PAPPA2: variants seen among roughly 807,000 people sequenced by gnomAD.
PAPPA2 encodes pappalysin-2.
PAPPA2 carries 86 observed loss-of-function variants against 176.4 expected under a neutral mutation model. That is an observed-to-expected ratio of 0.49 (90% CI 0.41 to 0.58). The LOEUF (loss-of-function observed/expected upper bound fraction) is 0.58. Among genes scored for constraint, PAPPA2 ranks in the 20% least tolerant of loss-of-function variants. The pLI is 0.00. For missense variants in PAPPA2, 2,073 were observed against 2,256.9 expected (o/e 0.92, Z 1.65); for synonymous variants, 809 against 852.2 (o/e 0.95, Z 0.88).
At chr1:176,668,029 C>T (rs930082515) in intron 3 of PAPPA2, among the ~76,000 whole-genome samples, 7 of 152,038 alleles carry the variant, frequency 4.6e-5, no homozygotes, top group South Asian at 4.1e-4. Context: ...CAATGAAACA[C>T]GGTAGACTGG....
At chr1:176,520,512 T>C (rs1224248716) in intron 1 of PAPPA2, among the ~76,000 whole-genome samples, 1 of 152,236 alleles carries the variant, frequency 6.6e-6, no homozygotes, top group East Asian at 1.9e-4. Context: ...GATCCTGTCA[T>C]CTCTGTGTCA....
chr1:176,544,555 C>T (rs139347138), intron 1 of PAPPA2, among the ~76,000 whole-genome samples: 1 of 152,230 alleles, frequency 6.6e-6, no homozygotes, highest in East Asian at 1.9e-4. Context: ...TACCTCTGGC[C>T]ACCAATTGAG....
chr1:176,574,312 C>T (rs906524826), intron 2 of PAPPA2, among the ~76,000 whole-genome samples: 13 of 151,908 alleles, frequency 8.6e-5, no homozygotes, highest in African/African-American at 2.4e-4. Flanking sequence ...TCTCCAGGAC[C>T]GTATAAATTA....
chr1:176,464,213 C>A (rs1040021494), intron 1 of PAPPA2, among the ~76,000 whole-genome samples: 8 of 152,144 alleles, frequency 5.3e-5, no homozygotes, highest in African/African-American at 1.9e-4. Flanking sequence ...CTCATACTCT[C>A]CCATAATTTC....
At chr1:176,620,216 C>T (rs1390202318) in intron 3 of PAPPA2, among the ~76,000 whole-genome samples, 2 of 152,112 alleles carry the variant, frequency 1.3e-5, no homozygotes, top group Admixed American at 6.6e-5. Flanking sequence ...ATCTAATCAC[C>T]TTCCAAAGTC....
intron 1 of PAPPA2, among the ~76,000 whole-genome samples, chr1:176,501,780 G>A (rs1647976832): frequency 6.6e-6 from 1 of 152,140 alleles, no homozygotes; most frequent in Non-Finnish European, 1.5e-5. Context: ...TCTCAGAGGA[G>A]AGCTTTCTAA....
Position 176,577,023 on chromosome 1 carries a change from G to A in PAPPA2, c.920-17501G>A, listed in dbSNP as rs374547206. Among the ~76,000 whole-genome samples, 112 of 152,284 alleles carry A rather than the reference G, an allele frequency of 7.4e-4. 2 individuals are homozygous for A. The highest frequency in any genetic ancestry group is 1.8e-3 in the Admixed American group (28 of 15,290). On this transcript the variant is annotated intron_variant, in intron 2 of 22. Transcript: ENST00000367662. Reference sequence around the variant, plus strand: ...CAATTTCAGCTTGACTTCCAGATAGGTGGGGCTGATTTTAGATAGTGTAGA... The same window carrying A: ...CAATTTCAGCTTGACTTCCAGATAGATGGGGCTGATTTTAGATAGTGTAGA...
rs1345464935 is a variant in PAPPA2, at chr1:176,594,862, C to T, written c.1258C>T (p.Arg420Cys). Residue 420 changes from arginine to cysteine, a missense_variant, in exon 3 of 23, where the codon CGT becomes TGT. By Grantham distance (180) the Arg-to-Cys change is radical. Transcript: ENST00000367662. Reference protein sequence around the residue: ...GDSSEDGHYFRGHLGTLVFWS... With the variant: ...GDSSEDGHYFCGHLGTLVFWS... The stretch of plus-strand genomic sequence containing the variant: ...CAGCTCTGAGGATGGGCACTATTTC[C>T]GTGGACACCTGGGCACACTGGTTTT... The T allele has an allele frequency of 1.1e-5, 17 of 1,614,234 alleles. No individual in the cohort carries two copies. Among genetic ancestry groups the T allele is most frequent in the Non-Finnish European group, 1.2e-5 (14 of 1,180,038 alleles).
At chr1:176,573,160 T>G (rs939228488) in intron 2 of PAPPA2, among the ~76,000 whole-genome samples, 1 of 152,138 alleles carries the variant, frequency 6.6e-6, no homozygotes, top group African/African-American at 2.4e-5. Flanking sequence ...TTATCAAGGT[T>G]AAGGAATGTG....
At chr1:176,611,898 T>C (rs1654947152) in intron 3 of PAPPA2, among the ~76,000 whole-genome samples, 1 of 152,240 alleles carries the variant, frequency 6.6e-6, no homozygotes, top group African/African-American at 2.4e-5. Flanking sequence ...TGAATTTTAT[T>C]TCCATGCCTA....
chr1:176,515,236 G>A (rs990097963), intron 1 of PAPPA2, among the ~76,000 whole-genome samples: 3 of 152,158 alleles, frequency 2.0e-5, no homozygotes, highest in African/African-American at 7.2e-5. Context: ...ACTTGCAAAT[G>A]TTAATAGAGC....
At chr1:176,685,818 T>G (rs560331820) in intron 4 of PAPPA2, among the ~76,000 whole-genome samples, 1 of 152,360 alleles carries the variant, frequency 6.6e-6, no homozygotes, top group Admixed American at 6.5e-5. Context: ...TCTTATTAAA[T>G]TTTGGGCAAC....
At chr1:176,471,468 A>G (rs1651868788) in intron 1 of PAPPA2, among the ~76,000 whole-genome samples, 2 of 152,180 alleles carry the variant, frequency 1.3e-5, no homozygotes, top group South Asian at 2.1e-4. Flanking sequence ...ACCAAACAAA[A>G]CAAGTGTAGA....
chr1:176,594,685 C>T lies in PAPPA2; in HGVS notation c.1081C>T (p.Pro361Ser), dbSNP rs773914277. ...CTTGATTAGCCACAGTCGCTACCAA[C>T]CAGGCACATGGACCCATGTGGCAGC... ...TILISHSRYQ[P>S]GTWTHVAATY... is the part of the protein sequence containing the mutation. The change falls in exon 3 of 23, where the codon CCA becomes TCA. Residue 361 changes from proline (P) to serine (S), a missense_variant. By Grantham distance (74) the Pro-to-Ser change is moderately conservative. Coordinates refer to ENST00000367662, the MANE Select transcript of PAPPA2 (RefSeq NM_020318.3). 30 of 1,614,220 alleles carry T rather than the reference C, an allele frequency of 1.9e-5. No individual in the cohort carries two copies. The highest frequency in any genetic ancestry group is 2.5e-5 in the Non-Finnish European group (30 of 1,180,036).
chr1:176,674,219 TA>T, intron 4 of PAPPA2, among the ~76,000 whole-genome samples: 1 of 152,168 alleles, frequency 6.6e-6, no homozygotes, highest in East Asian at 1.9e-4. Flanking sequence ...TAAACAGAAG[TA>T]GTACAGCTTA....
At chr1:176,531,878 G>A (rs1162197683) in intron 1 of PAPPA2, among the ~76,000 whole-genome samples, 3 of 152,152 alleles carry the variant, frequency 2.0e-5, no homozygotes, top group African/African-American at 7.2e-5. Context: ...TGGCTCTCTG[G>A]CACATGTGGG....
intron 11 of PAPPA2, 139 bp downstream of exon 11, chr1:176,710,315 C>T: frequency 1.4e-6 from 1 of 734,064 alleles, no homozygotes; most frequent in East Asian, 2.7e-5. Context: ...ATTACTGGAT[C>T]TGCCAGCATT....
rs552353315 is a variant in PAPPA2 at position 176,697,329 on chromosome 1, G to T, written c.2746+1470G>T. Among the ~76,000 whole-genome samples the T allele has an allele frequency of 6.6e-5, 10 of 152,052 alleles. No homozygotes were observed. The South Asian group carries it at 2.1e-3, about 32-fold the overall frequency. ...GGACCTTTATGCTGCTAGTATTGGG[G>T]GCTTAATAATAATTATCAGACAAAA... is the stretch of plus-strand genomic sequence containing the variant. On this transcript the variant is annotated intron_variant, in intron 7 of 22. Transcript: ENST00000367662.
At chr1:176,524,277 C>T (rs78026437) in intron 1 of PAPPA2, among the ~76,000 whole-genome samples, 20,742 of 152,162 alleles carry the variant, frequency 0.14, 1,575 homozygotes, top group South Asian at 0.18. Context: ...GGCAGCACCT[C>T]CTCTGGCAGG....
Sources: gnomAD v4.1 joint callset for allele counts (sites outside exome capture counted in the v4.1 genomes callset) on GRCh38, gnomAD v4.1.1 for gene constraint, MANE v1.5 for transcripts, NCBI Gene and HGNC (gene_info 2026-07-23, HGNC 2026-07-21) for gene names.